The following NTRK2 variants were observed in gnomAD, a reference collection of about 807,000 sequenced individuals.
The protein encoded by NTRK2 is neurotrophic receptor tyrosine kinase 2.
NTRK2 carries 13 observed loss-of-function variants against 94.5 expected under a neutral mutation model. That is an observed-to-expected ratio of 0.14 (90% confidence interval 0.09 to 0.22). The LOEUF (loss-of-function observed/expected upper bound fraction) is 0.22, where lower values mean the gene tolerates loss of function less well. Among genes scored for constraint, NTRK2 ranks in the 10% least tolerant of loss-of-function variants. The pLI is 1.00. For synonymous variants in NTRK2, 372 were observed against 407.4 expected (o/e 0.91, Z 1.05); for missense variants, 639 against 1,071.2 (o/e 0.60, Z 5.63).
At chr9:84,927,525 G>A (rs2077865510) in intron 14 of NTRK2, among the ~76,000 whole-genome samples, 3 of 151,918 alleles carry the variant, frequency 2.0e-5, no homozygotes, top group Non-Finnish European at 2.9e-5. Flanking sequence ...AAAGTTTATT[G>A]AACTAAATTG....
At chr9:84,856,155 C>T (rs1235047397) in intron 12 of NTRK2, among the ~76,000 whole-genome samples, 1 of 152,126 alleles carries the variant, frequency 6.6e-6, no homozygotes, top group Admixed American at 6.5e-5. Flanking sequence ...GTGGAAATAC[C>T]TCACATTGTA....
chr9:84,925,215 T>TTTTTA (rs2077718133), intron 14 of NTRK2, among the ~76,000 whole-genome samples: 1 of 151,332 alleles, frequency 6.6e-6, no homozygotes, highest in Non-Finnish European at 1.5e-5. Flanking sequence ...TTTTTTTTTT[T>TTTTTA]GGAGCTATTT....
At chr9:84,878,942 C>T (rs1425000184) in intron 14 of NTRK2, among the ~76,000 whole-genome samples, 1 of 152,206 alleles carries the variant, frequency 6.6e-6, no homozygotes, top group Non-Finnish European at 1.5e-5. Flanking sequence ...TCCTTCCTCA[C>T]TGCCTCGTCT....
chr9:84,840,306 CTCTTG>C lies in NTRK2; in HGVS notation c.1397-20729_1397-20725del, dbSNP rs1377434654. 7.1e-5 allele frequency among the ~76,000 whole-genome samples: 10 copies of C among 139,892 alleles called. No individual in the cohort carries two copies. In the East Asian group the frequency reaches 2.1e-3, roughly 30 times the overall value. 91.8% of individuals were successfully genotyped at this position (139,892 alleles called of 152,430 possible). A position where few individuals can be genotyped will look rare whatever the true frequency, so the allele number is the denominator to read the frequency against. On this transcript the variant is annotated intron_variant, in intron 12 of 18. Transcript: ENST00000277120. ...TTTTTTTTAACTCTTTCTCACTCTG[CTCTTG>C]TCTTCGCTTTGTCTAACTTTGATTC...
rs552914243 is a variant in NTRK2, at chr9:84,706,538, T to G, written c.360-1306T>G. Among the ~76,000 whole-genome samples, 13 of 132,506 alleles carry G rather than the reference T, an allele frequency of 9.8e-5. 2 individuals carry two copies. In the East Asian group the frequency reaches 2.3e-3, roughly 23 times the overall value. The allele number at this position is 132,506 out of a possible 152,430, so 86.9% of individuals were successfully genotyped here. On this transcript the variant is annotated intron_variant, in intron 4 of 18. Coordinates refer to ENST00000277120, the MANE Select transcript of NTRK2 (RefSeq NM_006180.6). The stretch of plus-strand genomic sequence containing the variant: ...TATTTTTTGTTTTTGTTTTTTTTTT[T>G]TTTTTTTTTGAGACGGAGTCTTGCT...
At chr9:85,020,821 G>A (rs1275160162) in intron 18 of NTRK2, among the ~76,000 whole-genome samples, 1 of 152,136 alleles carries the variant, frequency 6.6e-6, no homozygotes, top group Admixed American at 6.5e-5. Flanking sequence ...TTGAGGCACA[G>A]CATCTTGATC....
chr9:84,868,293 T>G (rs1712419273), intron 14 of NTRK2, among the ~76,000 whole-genome samples: 1 of 152,180 alleles, frequency 6.6e-6, no homozygotes, highest in African/African-American at 2.4e-5. Flanking sequence ...ACCATTCTCC[T>G]ACCTTGTCAT....
chr9:84,695,073 A>AAAAAAC (rs1554694511), intron 2 of NTRK2, among the ~76,000 whole-genome samples: 16 of 133,894 alleles, frequency 1.2e-4, no homozygotes, highest in South Asian at 2.3e-4. Context: ...AAAAAAAAAA[A>AAAAAAC]ACACACAACA....
intron 12 of NTRK2, among the ~76,000 whole-genome samples, chr9:84,821,405 TC>T (rs2072819881): frequency 1.3e-5 from 2 of 152,136 alleles, no homozygotes; most frequent in Non-Finnish European, 2.9e-5. Flanking sequence ...GGGAATGTAA[TC>T]CCAGTACATA....
chr9:84,987,070 C>T (rs1446845707), intron 17 of NTRK2, among the ~76,000 whole-genome samples: 1 of 152,148 alleles, frequency 6.6e-6, no homozygotes, highest in East Asian at 1.9e-4. Context: ...ATATTTGATA[C>T]CTTTTGATTT....
intron 12 of NTRK2, among the ~76,000 whole-genome samples, chr9:84,765,693 G>A (rs1050003163): frequency 6.6e-6 from 1 of 152,206 alleles, no homozygotes; most frequent in East Asian, 1.9e-4. Context: ...GACTAGTATT[G>A]TCTTGCCCCT....
chr9:84,776,983 A>G (rs1301517686), intron 12 of NTRK2, among the ~76,000 whole-genome samples: 1 of 152,228 alleles, frequency 6.6e-6, no homozygotes, highest in African/African-American at 2.4e-5. Context: ...TCCTCCTAAT[A>G]GGTATTAGAA....
rs1832864291 is a variant in NTRK2 at position 85,023,119 on chromosome 9, A to G, written c.*1682A>G. 4.3e-6 allele frequency: 1 copy of G among 233,084 alleles called. No individual in the cohort carries two copies. The highest frequency in any genetic ancestry group is 6.0e-5 in the East Asian group (1 of 16,556). 14.4% of individuals were successfully genotyped at this position (233,084 alleles called of 1,614,324 possible). A position where few individuals can be genotyped will look rare whatever the true frequency, so the allele number is the denominator to read the frequency against. Reference sequence around the variant, plus strand: ...AAGCACTGGAAGTGTGCTTCTAGGCATAGTCATTGGTTTTGCAAAAAGAGG... The same window carrying G: ...AAGCACTGGAAGTGTGCTTCTAGGCGTAGTCATTGGTTTTGCAAAAAGAGG... On this transcript the variant is annotated 3_prime_UTR_variant, in exon 19 of 19. Coordinates refer to ENST00000277120, the MANE Select transcript of NTRK2 (RefSeq NM_006180.6).
intron 2 of NTRK2, among the ~76,000 whole-genome samples, chr9:84,693,347 G>T (rs1372637731): frequency 1.3e-5 from 2 of 152,116 alleles, no homozygotes; most frequent in Non-Finnish European, 2.9e-5. Flanking sequence ...TGTTTTATGA[G>T]AAAGAAAATG....
chr9:84,813,121 G>A (rs201077250), intron 12 of NTRK2: 31 of 1,040,722 alleles, frequency 3.0e-5, no homozygotes, highest in South Asian at 1.8e-4. Flanking sequence ...AGGAGAGGTA[G>A]CATTTTTGCT....
chr9:84,807,476 C>T (rs578122199), intron 12 of NTRK2, among the ~76,000 whole-genome samples: 21 of 152,308 alleles, frequency 1.4e-4, no homozygotes, highest in Non-Finnish European at 1.8e-4. Context: ...TCAGCTAGTG[C>T]GTGCAATGGT....
intron 17 of NTRK2, among the ~76,000 whole-genome samples, chr9:84,995,766 A>T (rs1829681354): frequency 6.6e-6 from 1 of 152,234 alleles, no homozygotes; most frequent in Non-Finnish European, 1.5e-5. Flanking sequence ...TACCACCTTT[A>T]TCTAGACAAC....
chr9:85,017,680 A>G (rs977321539), intron 17 of NTRK2, among the ~76,000 whole-genome samples: 2 of 152,236 alleles, frequency 1.3e-5, no homozygotes, highest in Non-Finnish European at 2.9e-5. Context: ...TGCAATTTAC[A>G]GTACATTTGA....
chr9:84,775,060 C>T (rs2132908934), intron 12 of NTRK2, among the ~76,000 whole-genome samples: 1 of 152,296 alleles, frequency 6.6e-6, no homozygotes, highest in South Asian at 2.1e-4. Context: ...AAATGTTTCC[C>T]TAAGTATATA....
Sources: allele counts gnomAD v4.1 joint callset (sites outside exome capture counted in the v4.1 genomes callset), GRCh38; gene constraint gnomAD v4.1.1; transcripts MANE v1.5; gene names NCBI Gene and HGNC (gene_info 2026-07-23, HGNC 2026-07-21).